USH2A: variants seen among roughly 807,000 people sequenced by gnomAD.
The protein encoded by USH2A is Usher syndrome 2A (autosomal recessive, mild).
In USH2A, 443 loss-of-function variants were observed where a neutral mutation model predicts 538.9. The observed-to-expected ratio is 0.82, with a 90% CI of 0.76 to 0.89. USH2A has a LOEUF of 0.89. Ranked by LOEUF, USH2A falls within the 40% of genes least tolerant of loss-of-function variation. The pLI is 0.00. For synonymous variants in USH2A, 2,413 were observed against 2,273.5 expected, an observed-to-expected ratio of 1.06 and a Z score of -1.75; for missense variants, 6,633 against 6,324.8, an observed-to-expected ratio of 1.05 and a Z score of -1.65.
At chr1:216,394,839 C>T (rs1025327331) in intron 3 of USH2A, among the ~76,000 whole-genome samples, 12 of 151,418 alleles carry the variant, frequency 7.9e-5, no homozygotes, top group African/African-American at 1.2e-4. Context: ...CTGCCTCAGC[C>T]TCCCAAGTAG....
intron 58 of USH2A, among the ~76,000 whole-genome samples, chr1:215,751,083 T>C (rs1224488319): frequency 6.6e-6 from 1 of 152,132 alleles, no homozygotes; most frequent in South Asian, 2.1e-4. Flanking sequence ...TCCCAATTAA[T>C]GTAATGTGAA....
chr1:216,018,924 A>G (rs1021866506), intron 32 of USH2A, among the ~76,000 whole-genome samples: 4 of 152,134 alleles, frequency 2.6e-5, no homozygotes, highest in African/African-American at 9.7e-5. Flanking sequence ...TAATAAGTCA[A>G]CATTACTTGG....
At chr1:216,239,101 CA>C (rs1209716021) in intron 13 of USH2A, among the ~76,000 whole-genome samples, 1 of 107,682 alleles carries the variant, frequency 9.3e-6, no homozygotes, top group Non-Finnish European at 2.2e-5. Context: ...ACCATAAAAC[CA>C]GGAAAAAAAA....
In USH2A at chr1:215,799,136, A is replaced by T. The variant is rs886545831; in HGVS notation, c.9740-11T>A. 1 of 1,611,074 alleles carries T rather than the reference A, an allele frequency of 6.2e-7. No homozygotes were observed. The highest frequency in any genetic ancestry group is 1.3e-5 in the African/African-American group (1 of 74,914). On this transcript the variant is annotated splice_polypyrimidine_tract_variant and intron_variant, in intron 49 of 71. Coordinates refer to ENST00000307340, the MANE Select transcript of USH2A (RefSeq NM_206933.4). ...GACAGCATACTTCACCTGTCAATTT[A>T]GGACAATAATAATCATTACATCAGT...
In USH2A at chr1:215,799,036, C is replaced by T. The variant is rs776069801; in HGVS notation, c.9829G>A (p.Gly3277Arg). 1 of 1,614,086 alleles carries T rather than the reference C, an allele frequency of 6.2e-7. No individual in the cohort carries two copies. Among genetic ancestry groups the T allele is most frequent in the Non-Finnish European group, 8.5e-7 (1 of 1,180,008 alleles). ...CCGRMPYSTSGNQICCAGRLH... is the reference protein window; with the variant it reads ...CCGRMPYSTSRNQICCAGRLH... ...CTCCCAGCACAGCAAATCTGGTTTC[C>T]TGAGGTGGAGTACGGCATTCTGCCA... is the stretch of plus-strand genomic sequence containing the variant. Residue 3277 changes from glycine (G) to arginine (R), a missense_variant, in exon 50 of 72, where the codon GGA (glycine) becomes AGA (arginine). By Grantham distance (125) the Gly-to-Arg change is moderately radical. Transcript: ENST00000307340.
intron 14 of USH2A, among the ~76,000 whole-genome samples, chr1:216,231,635 C>T (rs1162406230): frequency 6.6e-6 from 1 of 151,752 alleles, no homozygotes; most frequent in Non-Finnish European, 1.5e-5. Flanking sequence ...TGCAACCTAC[C>T]CCTCCCGGTT....
intron 36 of USH2A, among the ~76,000 whole-genome samples, chr1:215,969,927 C>T (rs1388338116): frequency 1.3e-5 from 2 of 151,958 alleles, no homozygotes; most frequent in African/African-American, 2.4e-5. Context: ...AAAAATGCAC[C>T]AAAGTGTAAT....
intron 58 of USH2A, among the ~76,000 whole-genome samples, chr1:215,757,762 A>G (rs1380577384): frequency 6.6e-6 from 1 of 152,158 alleles, no homozygotes; most frequent in East Asian, 1.9e-4. Flanking sequence ...GCAACCCAAT[A>G]ATGACTAAAT....
intron 30 of USH2A, among the ~76,000 whole-genome samples, chr1:216,060,764 C>T (rs1168881533): frequency 7.2e-5 from 11 of 152,122 alleles, no homozygotes; most frequent in Admixed American, 4.6e-4. Flanking sequence ...AAACACCTTA[C>T]GGAAAAAATA....
chr1:215,948,769 G>A (rs1666822635), intron 37 of USH2A, among the ~76,000 whole-genome samples: 1 of 151,574 alleles, frequency 6.6e-6, no homozygotes, highest in East Asian at 1.9e-4. Flanking sequence ...TAATTTCTGG[G>A]GTTCTCAATG....
intron 37 of USH2A, among the ~76,000 whole-genome samples, chr1:215,942,006 C>G (rs1033962825): frequency 6.6e-6 from 1 of 152,052 alleles, no homozygotes; most frequent in African/African-American, 2.4e-5. Flanking sequence ...GAGTCTGGCA[C>G]AGCTAACTGG....
At chr1:215,804,300 C>A (rs923804667) in intron 49 of USH2A, among the ~76,000 whole-genome samples, 13 of 151,764 alleles carry the variant, frequency 8.6e-5, no homozygotes, top group East Asian at 1.9e-4. Flanking sequence ...TAATTAAACT[C>A]AAGAGCTTCT....
chr1:215,631,658 A>C (rs990526297), intron 70 of USH2A, among the ~76,000 whole-genome samples: 2 of 152,186 alleles, frequency 1.3e-5, no homozygotes, highest in Admixed American at 6.5e-5. Flanking sequence ...CCTGCCTGCA[A>C]TGAATGGCTT....
chr1:216,200,833 C>A lies in USH2A; in HGVS notation c.3317-712G>T, dbSNP rs1322123146. Among the ~76,000 whole-genome samples, 5 of 152,238 alleles carry A rather than the reference C, an allele frequency of 3.3e-5. No homozygotes were observed. The East Asian group carries it at 9.7e-4, about 29-fold the overall frequency. The stretch of plus-strand genomic sequence containing the variant: ...TGTAGGACTGCGAAACACACAAATA[C>A]CAGAGTGGCTGCTGCCTGCTCCGCC... On this transcript the variant is annotated intron_variant, in intron 16 of 71. Coordinates refer to ENST00000307340, the MANE Select transcript of USH2A (RefSeq NM_206933.4).
At position 216,375,608 on chromosome 1, in the gene USH2A, C is replaced by T. The variant is rs548818644; in HGVS notation, c.652-10523G>A. Among the ~76,000 whole-genome samples, 188 of 152,290 alleles carry T rather than the reference C, an allele frequency of 1.2e-3. 2 individuals carry two copies. Among genetic ancestry groups the T allele is most frequent in the African/African-American group, 4.4e-3 (181 of 41,574 alleles). On this transcript the variant is annotated intron_variant, in intron 3 of 71. Coordinates refer to ENST00000307340, the MANE Select transcript of USH2A (RefSeq NM_206933.4). ...ATCCAGACCACTCAAATTTTCTCCA[C>T]ATCAGCAATAAAGCTGTTTCAGTTT...
chr1:215,746,901 T>C (rs933226634), intron 58 of USH2A, among the ~76,000 whole-genome samples: 9 of 152,178 alleles, frequency 5.9e-5, no homozygotes, highest in African/African-American at 2.2e-4. Flanking sequence ...TTTCCCTGTT[T>C]GAGGAAGGGG....
chr1:216,323,556 G>A lies in USH2A; in HGVS notation c.1468C>T (p.His490Tyr). 1 of 1,613,564 alleles carries A rather than the reference G, an allele frequency of 6.2e-7. No individual in the cohort carries two copies. Among genetic ancestry groups the A allele is most frequent in the Non-Finnish European group, 8.5e-7 (1 of 1,179,774 alleles). ...VKATQIRFHF[H>Y]GQYYTTETAV... is the part of the protein sequence containing the mutation. ...GTCTCAGTTGTATAGTACTGCCCAT[G>A]AAAATGAAACCTTATTTGCGTGGCT... The change falls in exon 8 of 72, where the codon CAT becomes TAT. Residue 490 changes from histidine to tyrosine, a missense_variant. Coordinates refer to ENST00000307340, the MANE Select transcript of USH2A (RefSeq NM_206933.4).
rs562040012 is a variant in USH2A at position 216,041,601 on chromosome 1, C to A, written c.6325+4830G>T. Among the ~76,000 whole-genome samples the A allele has an allele frequency of 2.0e-5, 3 of 152,044 alleles. No individual in the cohort carries two copies. In the South Asian group the frequency reaches 6.2e-4, roughly 32 times the overall value. On this transcript the variant is annotated intron_variant, in intron 32 of 71. Coordinates refer to ENST00000307340, the MANE Select transcript of USH2A (RefSeq NM_206933.4). Reference sequence around the variant, plus strand: ...TGAATATTTAGGAGGGGACATTAAACCAAGTTAGTAGGGAAGTTTCTGATA... The same window carrying A: ...TGAATATTTAGGAGGGGACATTAAAACAAGTTAGTAGGGAAGTTTCTGATA...
At chr1:216,422,831 T>C (rs532895948) in intron 1 of USH2A, among the ~76,000 whole-genome samples, 4 of 151,158 alleles carry the variant, frequency 2.6e-5, no homozygotes, top group Non-Finnish European at 5.9e-5. Context: ...ATATAATTAT[T>C]AATAATATAT....
Sources: gnomAD v4.1 joint callset for allele counts (sites outside exome capture counted in the v4.1 genomes callset) on GRCh38, gnomAD v4.1.1 for gene constraint, MANE v1.5 for transcripts, NCBI Gene and HGNC (gene_info 2026-07-23, HGNC 2026-07-21) for gene names.